PRKCH: variants seen among roughly 807,000 people sequenced by gnomAD.
PRKCH encodes the protein protein kinase C eta, also known as protein kinase C eta type.
In PRKCH, 28 loss-of-function variants were observed where a neutral mutation model predicts 82.5. The observed-to-expected ratio is 0.34, with a 90% CI of 0.25 to 0.47. The LOEUF is 0.47. PRKCH is among the 20% of genes least tolerant of loss of function. The pLI is 1.00. For missense variants in PRKCH, 705 were observed against 881.8 expected (o/e 0.80, Z 2.54); for synonymous variants, 322 against 327.4 (o/e 0.98, Z 0.18).
At chr14:61,533,294 T>TAA (rs35130617) in intron 12 of PRKCH, among the ~76,000 whole-genome samples, 80 of 143,686 alleles carry the variant, frequency 5.6e-4, no homozygotes, top group South Asian at 1.1e-3. Context: ...ATAAAATTAC[T>TAA]AAAAAAAAAA....
upstream of PRKCH, among the ~76,000 whole-genome samples, chr14:61,321,479 C>G (rs575492715): frequency 4.5e-4 from 68 of 152,252 alleles, no homozygotes; most frequent in African/African-American, 1.6e-3. This position sits in a 1 kb window ranked among gnomAD's most constrained non-coding sequence, Gnocchi z 4.1. Context: ...ACTGGCCTCC[C>G]GGGGGCTTGC....
intron 1 of PRKCH, among the ~76,000 whole-genome samples, chr14:61,352,690 G>GAA (rs768667591): frequency 0.093 from 1,015 of 10,858 alleles, 10 homozygotes; most frequent in African/African-American, 0.17. Context: ...GAAAGGAAAG[G>GAA]AAAGAAAGAA....
At chr14:61,485,348 T>A (rs905179610) in intron 9 of PRKCH, among the ~76,000 whole-genome samples, 154 bp from the exon 10 acceptor site, 2 of 151,968 alleles carry the variant, frequency 1.3e-5, no homozygotes, top group African/African-American at 4.8e-5. Flanking sequence ...ACCAGACCGG[T>A]TGCACTGCAC....
chr14:61,431,179 G>GAA (rs36118222), intron 2 of PRKCH, among the ~76,000 whole-genome samples: 3 of 151,826 alleles, frequency 2.0e-5, no homozygotes, highest in Non-Finnish European at 4.4e-5. Flanking sequence ...ATTGGTAAGG[G>GAA]AAAAATGCCT....
chr14:61,354,556 GT>G (rs1409019139), intron 1 of PRKCH, among the ~76,000 whole-genome samples: 4 of 152,096 alleles, frequency 2.6e-5, no homozygotes, highest in Non-Finnish European at 5.9e-5. Flanking sequence ...GGAACTTAAA[GT>G]TTATTCTATA....
chr14:61,375,110 ATC>A (rs2046412993), intron 1 of PRKCH, among the ~76,000 whole-genome samples: 1 of 152,006 alleles, frequency 6.6e-6, no homozygotes, highest in South Asian at 2.1e-4. Flanking sequence ...ACCCTAAATT[ATC>A]TCTCTCAAGT....
chr14:61,233,655 C>A (rs1369078869), intron 1 of PRKCH, among the ~76,000 whole-genome samples: 1 of 152,094 alleles, frequency 6.6e-6, no homozygotes, highest in Non-Finnish European at 1.5e-5. Context: ...AGGGTGGTTA[C>A]CCTCATGCTG....
Position 61,434,449 on chromosome 14 carries a change from G to GA in PRKCH, c.428-8653dup, listed in dbSNP as rs200895142. Among the ~76,000 whole-genome samples the GA allele has an allele frequency of 7.8e-3, 1,167 of 149,668 alleles. 4 individuals carry two copies. The highest frequency in any genetic ancestry group is 0.01 in the Non-Finnish European group (683 of 67,330). ...AGAATGTCTGACCTACTGTTAATGA[G>GA]AAAAAAAAACACCAAAAAGGAAGAA... is the stretch of plus-strand genomic sequence containing the variant. On this transcript the variant is annotated intron_variant, in intron 2 of 13. Transcript: ENST00000332981.
At chr14:61,476,210 G>A (rs1885719806) in intron 9 of PRKCH, 2 of 152,248 alleles carry the variant, frequency 1.3e-5, no homozygotes, top group East Asian at 1.9e-4. Context: ...TTTACCAGGA[G>A]ACAAAAATGG....
chr14:61,357,042 G>T lies in PRKCH; in HGVS notation c.364-34183G>T, dbSNP rs1594942204. Among the ~76,000 whole-genome samples, 3 of 152,296 alleles carry T rather than the reference G, an allele frequency of 2.0e-5. No homozygotes were observed. The Middle Eastern group carries it at 0.01, about 518-fold the overall frequency. On this transcript the variant is annotated intron_variant, in intron 1 of 13. Transcript: ENST00000332981. ...CCAAGAGTAAAATAAAGACTTCAGTGGACAACCAGTGGTGAGTTCACTTTC... is the reference window on the plus strand; with the variant it reads ...CCAAGAGTAAAATAAAGACTTCAGTTGACAACCAGTGGTGAGTTCACTTTC...
At chr14:61,533,950 T>G (rs1158218251) in intron 12 of PRKCH, among the ~76,000 whole-genome samples, 2 of 152,200 alleles carry the variant, frequency 1.3e-5, no homozygotes, top group Non-Finnish European at 1.5e-5. Flanking sequence ...GCAACTTGAT[T>G]TAATTAGGCC....
chr14:61,455,589 G>T (rs1346560676), intron 7 of PRKCH, among the ~76,000 whole-genome samples: 1 of 152,190 alleles, frequency 6.6e-6, no homozygotes, highest in Non-Finnish European at 1.5e-5. Flanking sequence ...TATCCCTGAA[G>T]AGCAGAGATT....
chr14:61,236,670 G>T (rs2044790555), intron 1 of PRKCH, among the ~76,000 whole-genome samples: 1 of 133,114 alleles, frequency 7.5e-6, no homozygotes, highest in Non-Finnish European at 1.5e-5. Context: ...TCACGCCACT[G>T]CACTCCAGCC....
At chr14:61,397,556 A>G (rs542553835) in intron 2 of PRKCH, among the ~76,000 whole-genome samples, 1 of 152,344 alleles carries the variant, frequency 6.6e-6, no homozygotes, top group African/African-American at 2.4e-5. Context: ...ACTTTGGCTC[A>G]TGAATTATAG....
chr14:61,504,803 T>C (rs1887067284), intron 10 of PRKCH, among the ~76,000 whole-genome samples: 1 of 152,208 alleles, frequency 6.6e-6, no homozygotes, highest in Non-Finnish European at 1.5e-5. Flanking sequence ...TTTTATGTCC[T>C]TTATATGAGA....
intron 1 of PRKCH, chr14:61,281,115 G>A (rs971097993): frequency 2.1e-6 from 3 of 1,438,120 alleles, no homozygotes; most frequent in Non-Finnish European, 2.7e-6. Context: ...TGTCGGGCTG[G>A]TGGGCGCCCC....
intron 1 of PRKCH, among the ~76,000 whole-genome samples, chr14:61,328,184 A>G (rs1386471825): frequency 1.5e-5 from 2 of 136,464 alleles, no homozygotes; most frequent in Non-Finnish European, 3.1e-5. Context: ...CGGGAAGCGG[A>G]GCTTGCAGTG....
chr14:61,195,645 G>T (rs966314884), intron 1 of PRKCH, among the ~76,000 whole-genome samples: 2 of 152,172 alleles, frequency 1.3e-5, no homozygotes, highest in African/African-American at 4.8e-5. Flanking sequence ...CATATCTCCC[G>T]GGAAGACACC....
At chr14:61,311,295 T>C (rs924779935) in intron 1 of PRKCH, among the ~76,000 whole-genome samples, 3 of 152,220 alleles carry the variant, frequency 2.0e-5, no homozygotes, top group Non-Finnish European at 2.9e-5. Flanking sequence ...ATGCTCTGCT[T>C]CCCTTTTAAA....
Sources: allele counts gnomAD v4.1 joint callset (sites outside exome capture counted in the v4.1 genomes callset), GRCh38; gene constraint gnomAD v4.1.1; non-coding constraint Gnocchi (gnomAD v3.1); transcripts MANE v1.5; gene names NCBI Gene and HGNC (gene_info 2026-07-23, HGNC 2026-07-21).